Variants in NF1 observed in about 807,000 individuals in gnomAD.
NF1 encodes neurofibromin 1.
In NF1, 122 loss-of-function variants were observed where a neutral mutation model predicts 325.7. That is an observed-to-expected ratio of 0.37 (90% CI 0.32 to 0.44). The LOEUF is 0.44. NF1 is among the 20% of genes least tolerant of loss of function. The pLI, the probability that NF1 is intolerant of heterozygous loss-of-function variation, is 1.00. For missense variants in NF1, 2,140 were observed against 3,415.4 expected (o/e 0.63, Z 9.31); for synonymous variants, 1,091 against 1,186.0 (o/e 0.92, Z 1.65).
chr17:31,133,657 CTTTT>C (rs938379325), intron 1 of NF1: 1 of 151,468 alleles, frequency 6.6e-6, no homozygotes, highest in Admixed American at 6.6e-5. Context: ...TATTTTGTGT[CTTTT>C]TTTTTATTTT....
intron 57 of NF1, chr17:31,361,585 C>T (rs6505235): frequency 1.3e-5 from 2 of 151,990 alleles, no homozygotes; most frequent in Non-Finnish European, 2.9e-5. Context: ...AGTTGTTTAA[C>T]GTTCCATTAT....
At chr17:31,307,909 A>G (rs2068766937) in intron 36 of NF1, 7 of 1,289,286 alleles carry the variant, frequency 5.4e-6, no homozygotes, top group Non-Finnish European at 7.1e-6. Context: ...TCTAAACAGC[A>G]TATCATTGCT....
At chr17:31,270,058 C>T (rs2067862487) in intron 36 of NF1, among the ~76,000 whole-genome samples, 1 of 152,190 alleles carries the variant, frequency 6.6e-6, no homozygotes, top group Non-Finnish European at 1.5e-5. Context: ...TCCTCTACAT[C>T]CAGCTTTAAA....
chr17:31,114,563 A>G (rs1239386273), intron 1 of NF1, among the ~76,000 whole-genome samples: 1 of 151,110 alleles, frequency 6.6e-6, no homozygotes, highest in Non-Finnish European at 1.5e-5. Flanking sequence ...AAAAAAAGAA[A>G]AAAAGACCAT....
intron 36 of NF1, among the ~76,000 whole-genome samples, chr17:31,271,608 A>G (rs1248913805): frequency 6.6e-6 from 1 of 151,870 alleles, no homozygotes; most frequent in Non-Finnish European, 1.5e-5. Context: ...AAATTAATCG[A>G]GCGTGGTGGT....
At chr17:31,100,031 A>G (rs1188955503) in intron 1 of NF1, among the ~76,000 whole-genome samples, 1 of 151,998 alleles carries the variant, frequency 6.6e-6, no homozygotes, top group Non-Finnish European at 1.5e-5. Context: ...AAAAGAATTA[A>G]AAAGAACTCC....
intron 32 of NF1, 112 bp downstream of exon 32, chr17:31,258,614 G>A: frequency 8.8e-7 from 1 of 1,135,258 alleles, no homozygotes; most frequent in South Asian, 1.4e-5. Flanking sequence ...ATGGTTTTCA[G>A]TTATGTGCTT....
At chr17:31,128,789 G>A (rs1915096372) in intron 1 of NF1, among the ~76,000 whole-genome samples, 1 of 152,098 alleles carries the variant, frequency 6.6e-6, no homozygotes, top group Non-Finnish European at 1.5e-5. Flanking sequence ...AAGCATGGTA[G>A]CAGGCGCCTG....
intron 36 of NF1, chr17:31,304,317 G>C (rs771097279): frequency 6.2e-7 from 1 of 1,614,086 alleles, no homozygotes; most frequent in South Asian, 1.1e-5. Flanking sequence ...CTTGATCAGA[G>C]TTGGGAGGAA....
chr17:31,158,893 C>A, intron 2 of NF1, 117 bp from the exon 3 acceptor site: 2 of 669,320 alleles, frequency 3.0e-6, no homozygotes, highest in Admixed American at 4.3e-5. Flanking sequence ...ATAGTATAAT[C>A]TGGGAGGTAA....
At chr17:31,364,561 G>T (rs1157614001) in intron 57 of NF1, among the ~76,000 whole-genome samples, 9 of 152,164 alleles carry the variant, frequency 5.9e-5, no homozygotes, top group Non-Finnish European at 1.0e-4. Context: ...AAACATTTGG[G>T]CAGTATTTCG....
At position 31,338,025 on chromosome 17, in the gene NF1, A is replaced by G. The variant is rs1346195681; in HGVS notation, c.6705A>G (p.Arg2235=). 6.2e-7 allele frequency: 1 copy of G among 1,611,544 alleles called. No homozygotes were observed. The highest frequency in any genetic ancestry group is 1.1e-5 in the South Asian group (1 of 91,000). The change falls in exon 45 of 58, where the codon AGA becomes AGG. Residue 2235 remains arginine (R), a splice_region_variant and synonymous_variant. Transcript: ENST00000358273. ...WLDQWTELAQ[R]FAFQYNPSLQ... Reference sequence around the variant, plus strand: ...AGTTCTGTGGATCTTTTAATTGCAGATTTGCATTCCAATATAATCCATCCC... The same window carrying G: ...AGTTCTGTGGATCTTTTAATTGCAGGTTTGCATTCCAATATAATCCATCCC...
At chr17:31,311,802 C>A (rs1047280333) in intron 36 of NF1, among the ~76,000 whole-genome samples, 2 of 152,186 alleles carry the variant, frequency 1.3e-5, no homozygotes, top group South Asian at 2.1e-4. Context: ...CCGTTTCTTT[C>A]TATCACATTT....
intron 1 of NF1, among the ~76,000 whole-genome samples, chr17:31,155,481 AGTT>A (rs2065644267): frequency 6.6e-6 from 1 of 152,158 alleles, no homozygotes; most frequent in Non-Finnish European, 1.5e-5. Context: ...AACAATCAGC[AGTT>A]GTTTGCCATT....
At chr17:31,169,291 C>G (rs754678925) in intron 4 of NF1, among the ~76,000 whole-genome samples, 14 of 152,126 alleles carry the variant, frequency 9.2e-5, no homozygotes, top group Non-Finnish European at 1.6e-4. Flanking sequence ...CTGGAATTAA[C>G]TAATTTTCCC....
Position 31,332,847 on chromosome 17 carries a change from C to T in NF1, c.5813-1991C>T, listed in dbSNP as rs573869460. On this transcript the variant is annotated intron_variant, in intron 39 of 57. Transcript: ENST00000358273. ...TGCGGTGTTTGGTTTTTTGTTCTTG[C>T]GATAGTTTACTGAGAATGATGGTTT... Among the ~76,000 whole-genome samples, 1,188 of 42,008 alleles carry T rather than the reference C, an allele frequency of 0.028. 187 individuals are homozygous for T. Among genetic ancestry groups the T allele is most frequent in the African/African-American group, 0.053 (1,132 of 21,388 alleles). The allele number at this position is 42,008 out of a possible 152,430, so 27.6% of individuals were successfully genotyped here. A position where few individuals can be genotyped will look rare whatever the true frequency, so the allele number is the denominator to read the frequency against.
chr17:31,363,802 G>A (rs532654380), intron 57 of NF1, among the ~76,000 whole-genome samples: 29 of 147,750 alleles, frequency 2.0e-4, no homozygotes, highest in African/African-American at 6.0e-4. Flanking sequence ...GTGCAGTGGC[G>A]CAGTCTTGGC....
chr17:31,100,008 TAAAAAAAAAAAAAAAAGAA>T (rs1912168250), intron 1 of NF1, among the ~76,000 whole-genome samples: 1 of 130,790 alleles, frequency 7.6e-6, no homozygotes, highest in Non-Finnish European at 1.6e-5. Context: ...ATATTTGAAC[TAAAAAAAAAAAAAAAAGAA>T]TTAAAAAGAA....
chr17:31,226,358 C>CACAG (rs1567847244), intron 17 of NF1, 77 bp from the exon 18 acceptor site: 3 of 1,529,540 alleles, frequency 2.0e-6, no homozygotes, highest in Non-Finnish European at 2.7e-6. Context: ...CACACACACA[C>CACAG]AGTTTATTGC....
Sources: gnomAD v4.1 joint callset for allele counts (sites outside exome capture counted in the v4.1 genomes callset) on GRCh38, gnomAD v4.1.1 for gene constraint, MANE v1.5 for transcripts, NCBI Gene and HGNC (gene_info 2026-07-23, HGNC 2026-07-21) for gene names.